GMDS: variants seen among roughly 807,000 people sequenced by gnomAD.
GMDS encodes the protein GDP-mannose 4,6 dehydratase.
A neutral mutation model predicts 49.9 loss-of-function variants in GMDS; 20 were observed. The ratio of observed to expected loss-of-function variants is 0.40; its 90% CI spans 0.28 to 0.58. GMDS has a LOEUF of 0.58. Ranked by LOEUF, GMDS falls within the 20% of genes least tolerant of loss-of-function variation. The probability of loss-of-function intolerance (pLI) is 0.42; values close to 1 mark genes in which losing one functional copy is unlikely to be tolerated. For synonymous variants in GMDS, 177 were observed against 178.6 expected, an observed-to-expected ratio of 0.99 and a Z score of 0.07; for missense variants, 362 against 481.4, an observed-to-expected ratio of 0.75 and a Z score of 2.32.
chr6:1,747,326 A>G (rs181946646), intron 7 of GMDS, among the ~76,000 whole-genome samples: 2 of 152,314 alleles, frequency 1.3e-5, no homozygotes, highest in African/African-American at 4.8e-5. Flanking sequence ...ACAAACACTT[A>G]TTAACTGAGC....
rs193239430 is a variant in GMDS at position 2,021,905 on chromosome 6, C to T, written c.346-60939G>A. On this transcript the variant is annotated intron_variant, in intron 4 of 10. Transcript: ENST00000380815. ...TTTAGAGGTTGTGAAATGGCAGTCT[C>T]ATTAAGACTTGGCCACTGTCTCTTT... is the stretch of plus-strand genomic sequence containing the variant. Among the ~76,000 whole-genome samples, 427 of 152,318 alleles carry T rather than the reference C, an allele frequency of 2.8e-3. 4 individuals are homozygous for T. The highest frequency in any genetic ancestry group is 1.0e-2 in the African/African-American group (414 of 41,570).
At chr6:2,226,477 C>T (rs1780816680) in intron 1 of GMDS, among the ~76,000 whole-genome samples, 1 of 152,126 alleles carries the variant, frequency 6.6e-6, no homozygotes, top group Non-Finnish European at 1.5e-5. Context: ...TAATAAAGTG[C>T]TTTCACAGAG....
Position 2,009,999 on chromosome 6 carries a change from C to A in GMDS, c.346-49033G>T, listed in dbSNP as rs532129615. On this transcript the variant is annotated intron_variant, in intron 4 of 10. Coordinates refer to ENST00000380815, the MANE Select transcript of GMDS (RefSeq NM_001500.4). ...TGTAATCCTTCTGATCCAAGAAACC[C>A]AACGAACCCTGAGCAGGATAAACAC... Among the ~76,000 whole-genome samples, 41 of 152,206 alleles carry A rather than the reference C, an allele frequency of 2.7e-4. 1 individual carries two copies. The highest frequency in any genetic ancestry group is 8.2e-4 in the African/African-American group (34 of 41,516).
At chr6:2,149,692 G>C (rs1449291274) in intron 1 of GMDS, among the ~76,000 whole-genome samples, 1 of 152,192 alleles carries the variant, frequency 6.6e-6, no homozygotes, top group Non-Finnish European at 1.5e-5. Flanking sequence ...GCTTTAAAAA[G>C]CGTTAGAATA....
intron 7 of GMDS, among the ~76,000 whole-genome samples, chr6:1,750,070 A>G (rs1767661109): frequency 6.6e-6 from 1 of 152,176 alleles, no homozygotes; most frequent in African/African-American, 2.4e-5. Flanking sequence ...GCCTCAAGAA[A>G]TCTTCCTGCC....
intron 7 of GMDS, among the ~76,000 whole-genome samples, chr6:1,828,142 A>G (rs752654886): frequency 1.3e-5 from 2 of 152,150 alleles, no homozygotes; most frequent in Non-Finnish European, 2.9e-5. Flanking sequence ...GGAAAGTATA[A>G]TAAGTAAAAT....
chr6:2,204,054 A>C (rs1779674920), intron 1 of GMDS, among the ~76,000 whole-genome samples: 1 of 152,200 alleles, frequency 6.6e-6, no homozygotes, highest in Non-Finnish European at 1.5e-5. Context: ...AACTTATTTC[A>C]GGAAACTACA....
At chr6:2,141,862 C>T (rs1447493606) in intron 1 of GMDS, among the ~76,000 whole-genome samples, 3 of 99,620 alleles carry the variant, frequency 3.0e-5, no homozygotes, top group Non-Finnish European at 5.9e-5. Flanking sequence ...TTTGGTTGTG[C>T]GTGCTCTCTC....
chr6:1,928,064 G>C (rs563609267), intron 7 of GMDS, among the ~76,000 whole-genome samples: 6 of 152,222 alleles, frequency 3.9e-5, no homozygotes, highest in Non-Finnish European at 5.9e-5. Flanking sequence ...AGAAGAGTTT[G>C]GATAAATAAT....
intron 4 of GMDS, among the ~76,000 whole-genome samples, chr6:2,058,562 A>T (rs1167031537): frequency 6.6e-6 from 1 of 152,170 alleles, no homozygotes; most frequent in Admixed American, 6.5e-5. Context: ...AGAGGTAGAG[A>T]GTTCCATATA....
intron 6 of GMDS, among the ~76,000 whole-genome samples, chr6:1,954,274 G>A (rs7759192): frequency 0.16 from 24,524 of 152,244 alleles, 2,024 homozygotes; most frequent in East Asian, 0.2. Context: ...ACTGAAAACC[G>A]TTAATGACCA....
intron 7 of GMDS, among the ~76,000 whole-genome samples, chr6:1,877,793 T>G (rs1375579645): frequency 6.6e-6 from 1 of 152,054 alleles, no homozygotes; most frequent in Non-Finnish European, 1.5e-5. Context: ...TCCCAGGATA[T>G]GGGGGTCAGT....
chr6:1,948,699 C>A (rs1281066409), intron 6 of GMDS, among the ~76,000 whole-genome samples: 1 of 152,112 alleles, frequency 6.6e-6, no homozygotes, highest in Non-Finnish European at 1.5e-5. Flanking sequence ...CACTAATTTT[C>A]TTAAGAATCT....
intron 6 of GMDS, among the ~76,000 whole-genome samples, chr6:1,938,064 T>C (rs1762636753): frequency 6.6e-6 from 1 of 152,184 alleles, no homozygotes; most frequent in Non-Finnish European, 1.5e-5. Context: ...GAGAGGGGCA[T>C]TGTTTCCTCA....
chr6:1,709,737 A>G (rs1004217803), intron 9 of GMDS, among the ~76,000 whole-genome samples: 8 of 152,226 alleles, frequency 5.3e-5, no homozygotes, highest in African/African-American at 1.7e-4. Context: ...AGTACGTGCA[A>G]AAAGAAGAAC....
At chr6:2,123,981 C>G (rs566746634) in intron 2 of GMDS, among the ~76,000 whole-genome samples, 2 of 151,742 alleles carry the variant, frequency 1.3e-5, no homozygotes, top group African/African-American at 4.8e-5. Context: ...AACAGATAAT[C>G]CTAAAGTATT....
At chr6:1,798,806 G>A (rs1769837044) in intron 7 of GMDS, among the ~76,000 whole-genome samples, 1 of 152,200 alleles carries the variant, frequency 6.6e-6, no homozygotes, top group Non-Finnish European at 1.5e-5. Context: ...TGGAGAATAC[G>A]AGACAGCTTT....
chr6:2,163,379 G>A (rs1562111250), intron 1 of GMDS, among the ~76,000 whole-genome samples: 1 of 152,024 alleles, frequency 6.6e-6, no homozygotes. Flanking sequence ...TGTTAGTCAG[G>A]GTTCTCCAGG....
At chr6:2,216,680 A>T (rs77097311) in intron 1 of GMDS, among the ~76,000 whole-genome samples, 2,040 of 152,270 alleles carry the variant, frequency 0.013, 25 homozygotes, top group Non-Finnish European at 0.02. Context: ...GGTCACTGAA[A>T]CCTGCTTAAC....
Sources: gnomAD v4.1 joint callset for allele counts (sites outside exome capture counted in the v4.1 genomes callset) on GRCh38, gnomAD v4.1.1 for gene constraint, MANE v1.5 for transcripts, NCBI Gene and HGNC (gene_info 2026-07-23, HGNC 2026-07-21) for gene names.